WIPI2: variants seen among roughly 807,000 people sequenced by gnomAD.
WIPI2 encodes the protein WD repeat domain phosphoinositide-interacting protein 2.
Under a neutral mutation model 52.3 loss-of-function variants are expected in WIPI2, and 28 were observed. The observed-to-expected ratio is 0.54, with a 90% CI of 0.40 to 0.73. The LOEUF is 0.73. WIPI2 is among the 30% of genes least tolerant of loss of function. The pLI, the probability that WIPI2 is intolerant of heterozygous loss-of-function variation, is 0.00. For synonymous variants in WIPI2, 268 were observed against 245.0 expected (o/e 1.09, Z -0.88); for missense variants, 506 against 602.9 (o/e 0.84, Z 1.68).
intron 3 of WIPI2, among the ~76,000 whole-genome samples, chr7:5,206,913 G>A (rs1229965522): frequency 1.3e-5 from 2 of 152,182 alleles, no homozygotes; most frequent in East Asian, 3.8e-4. Context: ...GAGTTGCTGA[G>A]GCTACAGGAG....
At chr7:5,211,324 T>G (rs957403116) in intron 3 of WIPI2, among the ~76,000 whole-genome samples, 2 of 151,900 alleles carry the variant, frequency 1.3e-5, no homozygotes, top group African/African-American at 4.8e-5. Flanking sequence ...ATACAAAAAT[T>G]AGGCAGGCGT....
chr7:5,202,414 C>T (rs1323938766), intron 3 of WIPI2, among the ~76,000 whole-genome samples: 1 of 152,060 alleles, frequency 6.6e-6, no homozygotes, highest in Non-Finnish European at 1.5e-5. Context: ...GACAGAGTCT[C>T]GCTCTGTCAC....
At position 5,213,975 on chromosome 7, in the gene WIPI2, G is replaced by A. The variant is rs549878948; in HGVS notation, c.212-560G>A. Among the ~76,000 whole-genome samples, 11 of 152,340 alleles carry A rather than the reference G, an allele frequency of 7.2e-5. No individual in the cohort carries two copies. The South Asian group carries it at 1.2e-3, about 17-fold the overall frequency. Reference sequence around the variant, plus strand: ...GCTGGGATTACAGGCGTGAGCCACCGCGCCCGGCCCCTTCAGGGCATTTCT... The same window carrying A: ...GCTGGGATTACAGGCGTGAGCCACCACGCCCGGCCCCTTCAGGGCATTTCT... On this transcript the variant is annotated intron_variant, in intron 3 of 12. Transcript: ENST00000288828.
At chr7:5,191,810 C>G (rs963261424) in intron 1 of WIPI2, among the ~76,000 whole-genome samples, 3 of 152,160 alleles carry the variant, frequency 2.0e-5, no homozygotes, top group African/African-American at 4.8e-5. Flanking sequence ...ATGGACAACA[C>G]TCAGTGGGTG....
intron 3 of WIPI2, among the ~76,000 whole-genome samples, chr7:5,200,630 C>T (rs756725531): frequency 1.1e-4 from 16 of 151,946 alleles, no homozygotes; most frequent in Non-Finnish European, 1.6e-4. Context: ...CTTGGCTCAC[C>T]GCACCCTCCG....
At chr7:5,202,779 G>T (rs188654215) in intron 3 of WIPI2, among the ~76,000 whole-genome samples, 2 of 152,006 alleles carry the variant, frequency 1.3e-5, no homozygotes, top group Admixed American at 6.6e-5. Context: ...TTTTGTTGTC[G>T]TCATTTTTTG....
At chr7:5,223,490 C>A (rs1783254996) in intron 8 of WIPI2, among the ~76,000 whole-genome samples, 1 of 152,304 alleles carries the variant, frequency 6.6e-6, no homozygotes, top group Non-Finnish European at 1.5e-5. Flanking sequence ...CCTCCAGCTC[C>A]TGCCTCCTCG....
intron 6 of WIPI2, 143 bp downstream of exon 6, chr7:5,217,330 G>T (rs1432817366): frequency 3.4e-6 from 3 of 877,260 alleles, no homozygotes; most frequent in East Asian, 2.7e-5. Context: ...TTTGAGACAG[G>T]GTCTGGCTCT....
chr7:5,222,880 G>A (rs571048974), intron 8 of WIPI2: 17 of 504,648 alleles, frequency 3.4e-5, no homozygotes, highest in East Asian at 1.9e-4. Flanking sequence ...TTTTGTTTGC[G>A]ATCCCACCAG....
intron 3 of WIPI2, among the ~76,000 whole-genome samples, chr7:5,204,160 A>G (rs1782181089): frequency 1.3e-5 from 2 of 152,076 alleles, no homozygotes; most frequent in Non-Finnish European, 2.9e-5. Flanking sequence ...TTCCATGTAT[A>G]TTTATATGTT....
At chr7:5,229,421 A>G (rs2115325251) in intron 11 of WIPI2, 187 bp from the exon 12 acceptor site, 1 of 596,336 alleles carries the variant, frequency 1.7e-6, no homozygotes, top group Non-Finnish European at 2.8e-6. Context: ...TAGACTTTCC[A>G]TGTAAAACTC....
chr7:5,229,433 T>G (rs904417071), intron 11 of WIPI2, 175 bp from the exon 12 acceptor site: 1 of 641,772 alleles, frequency 1.6e-6, no homozygotes, highest in African/African-American at 1.8e-5. Context: ...GTAAAACTCT[T>G]CATGTAAAAA....
At chr7:5,221,637 A>C (rs940705075) in intron 7 of WIPI2, among the ~76,000 whole-genome samples, 24 of 152,144 alleles carry the variant, frequency 1.6e-4, no homozygotes, top group African/African-American at 5.6e-4. Context: ...CCAGATGTTC[A>C]TGTCTGTCTC....
In WIPI2 at chr7:5,198,972, A is replaced by G. The variant is rs564475853; in HGVS notation, c.129-604A>G. Reference sequence around the variant, plus strand: ...GCAAATTTCAAGCACACAATACCTTATTATCAACTACAGTTACTATCCTGT... The same window carrying G: ...GCAAATTTCAAGCACACAATACCTTGTTATCAACTACAGTTACTATCCTGT... On this transcript the variant is annotated intron_variant, in intron 2 of 12. Coordinates refer to ENST00000288828, the MANE Select transcript of WIPI2 (RefSeq NM_015610.4). Among the ~76,000 whole-genome samples, 14 of 152,308 alleles carry G rather than the reference A, an allele frequency of 9.2e-5. No homozygotes were observed. The East Asian group carries it at 1.4e-3, about 15-fold the overall frequency.
At chr7:5,218,284 A>G (rs1751900322) in intron 7 of WIPI2, 4 of 375,012 alleles carry the variant, frequency 1.1e-5, no homozygotes, top group African/African-American at 4.1e-5. Flanking sequence ...GTGTAACCAC[A>G]CCGCTCACCC....
intron 9 of WIPI2, 80 bp downstream of exon 9, chr7:5,226,010 C>G: frequency 7.4e-7 from 1 of 1,353,044 alleles, no homozygotes; most frequent in Non-Finnish European, 1.0e-6. Context: ...GAGGTAAGCA[C>G]GGACCCGCCC....
chr7:5,195,853 A>T (rs1781722242), intron 2 of WIPI2, among the ~76,000 whole-genome samples: 1 of 151,868 alleles, frequency 6.6e-6, no homozygotes, highest in Non-Finnish European at 1.5e-5. Context: ...AGCCTGGCCA[A>T]GATGGTGAAA....
chr7:5,217,324 A>C (rs1782865171), intron 6 of WIPI2, 137 bp downstream of exon 6: 1 of 922,842 alleles, frequency 1.1e-6, no homozygotes, highest in East Asian at 2.7e-5. Context: ...TTTGTTTTTG[A>C]GACAGGGTCT....
chr7:5,232,674 G>A lies in WIPI2; in HGVS notation c.*1727G>A, dbSNP rs990570194. ...GCGTCTTGTGGTGCAAGGCCAGAGG[G>A]CTCTCTCTAGAACCTGACCGTGCAC... On this transcript the variant is annotated 3_prime_UTR_variant, in exon 13 of 13. Coordinates refer to ENST00000288828, the MANE Select transcript of WIPI2 (RefSeq NM_015610.4). 5.3e-5 allele frequency: 11 copies of A among 206,168 alleles called. No individual in the cohort carries two copies. Among genetic ancestry groups the A allele is most frequent in the South Asian group, 3.8e-4 (2 of 5,298 alleles). 12.8% of individuals were successfully genotyped at this position (206,168 alleles called of 1,614,324 possible). A position where few individuals can be genotyped will look rare whatever the true frequency, so the allele number is the denominator to read the frequency against.
Sources: allele counts gnomAD v4.1 joint callset (sites outside exome capture counted in the v4.1 genomes callset), GRCh38; gene constraint gnomAD v4.1.1; transcripts MANE v1.5; gene names NCBI Gene and HGNC (gene_info 2026-07-23, HGNC 2026-07-21).